The following NNT variants were observed in gnomAD, a reference collection of about 807,000 sequenced individuals.
The protein encoded by NNT is nicotinamide nucleotide transhydrogenase.
In NNT, 50 loss-of-function variants were observed where a neutral mutation model predicts 104.8. The ratio of observed to expected loss-of-function variants is 0.48; its 90% CI spans 0.38 to 0.60. The LOEUF (loss-of-function observed/expected upper bound fraction) is 0.60, where lower values mean the gene tolerates loss of function less well. Ranked by LOEUF, NNT falls within the 20% of genes least tolerant of loss-of-function variation. The pLI, the probability that NNT is intolerant of heterozygous loss-of-function variation, is 0.00. For synonymous variants in NNT, 461 were observed against 490.4 expected (o/e 0.94, Z 0.79); for missense variants, 1,131 against 1,330.7 (o/e 0.85, Z 2.33).
At chr5:43,676,188 CTA>C (rs1376301867) in intron 18 of NNT, among the ~76,000 whole-genome samples, 1 of 152,190 alleles carries the variant, frequency 6.6e-6, no homozygotes, top group African/African-American at 2.4e-5. Context: ...CTCTAACAAT[CTA>C]TGTGACATTG....
intron 19 of NNT, among the ~76,000 whole-genome samples, chr5:43,679,545 G>A (rs1470744522): frequency 6.6e-6 from 1 of 152,126 alleles, no homozygotes; most frequent in Non-Finnish European, 1.5e-5. Context: ...CATCTTAAGG[G>A]AAATGTCAAA....
intron 17 of NNT, among the ~76,000 whole-genome samples, chr5:43,673,222 T>G (rs1224813945): frequency 6.6e-6 from 1 of 152,224 alleles, no homozygotes; most frequent in African/African-American, 2.4e-5. Context: ...CCCTGACCCC[T>G]TGTGCTTCCC....
At chr5:43,604,887 A>T (rs924580760) in intron 1 of NNT, among the ~76,000 whole-genome samples, 1 of 151,908 alleles carries the variant, frequency 6.6e-6, no homozygotes, top group Admixed American at 6.5e-5. Flanking sequence ...TGGCCAGGCT[A>T]GTCTTGAATT....
intron 9 of NNT, 25 bp from the exon 10 acceptor site, chr5:43,645,332 C>G (rs368706604): frequency 1.9e-5 from 26 of 1,396,206 alleles, no homozygotes; most frequent in Non-Finnish European, 2.3e-5. Context: ...CTTTTTAATA[C>G]GTACTATTTT....
intron 17 of NNT, 88 bp from the exon 18 acceptor site, chr5:43,675,423 G>T: frequency 1.7e-6 from 2 of 1,158,610 alleles, no homozygotes; most frequent in South Asian, 2.1e-5. Flanking sequence ...CTTTTAAAAT[G>T]ATTCCAAATA....
At chr5:43,693,052 T>TC (rs902450622) in intron 19 of NNT, among the ~76,000 whole-genome samples, 27 of 152,132 alleles carry the variant, frequency 1.8e-4, no homozygotes, top group African/African-American at 6.5e-4. Flanking sequence ...ATTTTTTTTT[T>TC]CTGGATCTGT....
At chr5:43,617,974 T>A (rs953985289) in intron 4 of NNT, among the ~76,000 whole-genome samples, 1 of 152,204 alleles carries the variant, frequency 6.6e-6, no homozygotes, top group Non-Finnish European at 1.5e-5. Flanking sequence ...AAGATTTTCT[T>A]GTCACCTAGC....
intron 19 of NNT, among the ~76,000 whole-genome samples, chr5:43,681,567 T>C (rs1741720158): frequency 6.6e-6 from 1 of 151,888 alleles, no homozygotes. Context: ...ACCTGGCTAA[T>C]TTTTGTATTT....
At chr5:43,662,098 G>A (rs2111985835) in intron 17 of NNT, among the ~76,000 whole-genome samples, 1 of 152,328 alleles carries the variant, frequency 6.6e-6, no homozygotes, top group Admixed American at 6.5e-5. Flanking sequence ...TTCTTGAAAT[G>A]TCAGCATGGG....
rs1649750512 is a variant in NNT, at chr5:43,655,983, G to A, written c.2203G>A (p.Ala735Thr). The A allele has an allele frequency of 6.2e-7, 1 of 1,614,106 alleles. No individual in the cohort carries two copies. The highest frequency in any genetic ancestry group is 1.7e-5 in the Admixed American group (1 of 60,006). The change falls in exon 15 of 22, where the codon GCA (alanine) becomes ACA (threonine). Residue 735 changes from alanine to threonine, a missense_variant. Physicochemically the swap from Ala to Thr is moderately conservative, Grantham distance 58. Coordinates refer to ENST00000344920, the MANE Select transcript of NNT (RefSeq NM_182977.3). The stretch of plus-strand genomic sequence containing the variant: ...TCCACATTTTGCTACGGATGCAGCA[G>A]CAAATCTCACCAAGATTGTGGCCTA... ...EYPHFATDAA[A>T]NLTKIVAYLG...
chr5:43,648,837 T>C (rs750880298), intron 10 of NNT, among the ~76,000 whole-genome samples: 12 of 152,158 alleles, frequency 7.9e-5, no homozygotes, highest in Non-Finnish European at 1.5e-4. Context: ...GCATTGTTAA[T>C]AAAAGTTAAA....
At chr5:43,684,839 T>C (rs1162081360) in intron 19 of NNT, among the ~76,000 whole-genome samples, 1 of 152,202 alleles carries the variant, frequency 6.6e-6, no homozygotes, top group Admixed American at 6.5e-5. Context: ...AGGGAGTCTA[T>C]CATATTTTTC....
rs182684147 is a variant in NNT, at chr5:43,669,449, C to T, written c.2635-6062C>T. 2.4e-3 allele frequency among the ~76,000 whole-genome samples: 366 copies of T among 152,216 alleles called. 2 individuals are homozygous for T. Among genetic ancestry groups the T allele is most frequent in the Non-Finnish European group, 1.7e-3 (117 of 68,018 alleles). ...AGATAGCTCTGATTATTTGGAGATA[C>T]GTCCCATCAATACCTAATTTATTGA... On this transcript the variant is annotated intron_variant, in intron 17 of 21. Transcript: ENST00000344920.
intron 7 of NNT, among the ~76,000 whole-genome samples, chr5:43,642,488 G>T (rs1751289918): frequency 6.6e-6 from 1 of 152,210 alleles, no homozygotes; most frequent in African/African-American, 2.4e-5. Context: ...GAGAAGTGGT[G>T]AAACTACCAG....
rs77440261 is a variant in NNT, at chr5:43,680,878, C to T, written c.2876+3072C>T. Among the ~76,000 whole-genome samples the T allele has an allele frequency of 2.9e-4, 44 of 152,070 alleles. No individual in the cohort carries two copies. In the East Asian group the frequency reaches 7.4e-3, roughly 25 times the overall value. On this transcript the variant is annotated intron_variant, in intron 19 of 21. Transcript: ENST00000344920. ...GGATTTTATGACAACAATCTTACGA[C>T]GTAAGAGCCACAGATATTTTGTCTT...
At chr5:43,664,425 GATTA>G (rs1177329886) in intron 17 of NNT, among the ~76,000 whole-genome samples, 1 of 152,078 alleles carries the variant, frequency 6.6e-6, no homozygotes, top group Middle Eastern at 3.2e-3. Context: ...TTTCCTTTGT[GATTA>G]ATTAATTAGT....
chr5:43,612,904 C>T lies in NNT; in HGVS notation c.152-4C>T, dbSNP rs887415956. ...ATATTTTTTTTGCCTTTGCTTGTTT[C>T]TAGGAATTCCATATAAGCAACTGAC... On this transcript the variant is annotated splice_region_variant and splice_polypyrimidine_tract_variant and intron_variant, in intron 2 of 21. Transcript: ENST00000344920. 6.9e-6 allele frequency: 11 copies of T among 1,592,512 alleles called. No individual in the cohort carries two copies. The highest frequency in any genetic ancestry group is 2.7e-5 in the African/African-American group (2 of 74,256).
chr5:43,611,981 G>A (rs1313908971), intron 2 of NNT, among the ~76,000 whole-genome samples: 1 of 152,100 alleles, frequency 6.6e-6, no homozygotes, highest in Non-Finnish European at 1.5e-5. Flanking sequence ...GGTTTGCTAT[G>A]TGGATTCTTG....
intron 4 of NNT, among the ~76,000 whole-genome samples, chr5:43,617,828 C>G (rs2111590280): frequency 6.6e-6 from 1 of 152,254 alleles, no homozygotes. Context: ...CATTTGAATT[C>G]AGGAGAGCAA....
Sources: gnomAD v4.1 joint callset for allele counts (sites outside exome capture counted in the v4.1 genomes callset) on GRCh38, gnomAD v4.1.1 for gene constraint, MANE v1.5 for transcripts, NCBI Gene and HGNC (gene_info 2026-07-23, HGNC 2026-07-21) for gene names.